Variants in MAOB observed in about 807,000 individuals in gnomAD.
The protein encoded by MAOB is monoamine oxidase B, also known as amine oxidase [flavin-containing] B.
MAOB carries 15 observed loss-of-function variants against 41.9 expected under a neutral mutation model. That is an observed-to-expected ratio of 0.36 (90% CI 0.24 to 0.55). The LOEUF is 0.55. MAOB is among the 20% of genes least tolerant of loss of function. The probability of loss-of-function intolerance (pLI) is 0.86; values close to 1 mark genes in which losing one functional copy is unlikely to be tolerated. For missense variants in MAOB, 345 were observed against 398.7 expected (o/e 0.87, Z 1.15); for synonymous variants, 167 against 144.2 (o/e 1.16, Z -1.13).
intron 3 of MAOB, among the ~76,000 whole-genome samples, chrX:43,808,327 GT>G (rs1204585663): frequency 1.8e-5 from 2 of 111,822 alleles, no homozygotes; most frequent in Non-Finnish European, 3.8e-5. Context: ...AATTATTTAG[GT>G]TTTTTTGTTT....
intron 3 of MAOB, among the ~76,000 whole-genome samples, chrX:43,807,789 A>T (rs2034686823): frequency 8.9e-6 from 1 of 112,372 alleles, no homozygotes; most frequent in South Asian, 3.7e-4. Flanking sequence ...TATGCCTAGG[A>T]CGTGCTGGCA....
At chrX:43,831,165 T>C (rs1602011919) in intron 3 of MAOB, among the ~76,000 whole-genome samples, 1 of 110,996 alleles carries the variant, frequency 9.0e-6, no homozygotes, top group African/African-American at 3.3e-5. Flanking sequence ...TCACTAAGCC[T>C]GGCTGGAAGC....
At chrX:43,837,590 A>G (rs1002925771) in intron 3 of MAOB, among the ~76,000 whole-genome samples, 1 of 113,002 alleles carries the variant, frequency 8.8e-6, no homozygotes, top group African/African-American at 3.2e-5. Flanking sequence ...GTAACTGCTT[A>G]GTTCCCATTT....
Position 43,768,734 on chromosome X carries a change from A to G in MAOB, c.1348-18T>C. 1 of 1,176,394 alleles carries G rather than the reference A, an allele frequency of 8.5e-7. No homozygotes were observed. On this transcript the variant is annotated intron_variant, in intron 13 of 14. Transcript: ENST00000378069. ...TGCAGGATCTGAAATGAAAGAACAC[A>G]CTGGCAAATAGCAAAAGTGACACCA...
At chrX:43,771,547 A>ACC (rs2034184470) in intron 12 of MAOB, among the ~76,000 whole-genome samples, 1 of 111,365 alleles carries the variant, frequency 9.0e-6, no homozygotes, top group Non-Finnish European at 1.9e-5. Flanking sequence ...GCCTAAGGGT[A>ACC]CTCAGGAAGG....
chrX:43,881,573 G>A (rs1309264604), intron 1 of MAOB, among the ~76,000 whole-genome samples: 1 of 112,081 alleles, frequency 8.9e-6, no homozygotes, highest in East Asian at 2.8e-4. Flanking sequence ...TGGCTGAGGG[G>A]GTAGTGTCTG....
At chrX:43,812,346 T>C (rs1333468040) in intron 3 of MAOB, among the ~76,000 whole-genome samples, 1 of 112,488 alleles carries the variant, frequency 8.9e-6, no homozygotes, top group Non-Finnish European at 1.9e-5. Flanking sequence ...TTTCCTTTCT[T>C]TGGGGTGTAT....
chrX:43,850,542 G>A lies in MAOB; in HGVS notation c.47-6778C>T, dbSNP rs73473881. ...ATTTTGGGGAAAATCTAAACAACACGTGACATAAACCAAATATTGCAATGT... is the reference window on the plus strand; with the variant it reads ...ATTTTGGGGAAAATCTAAACAACACATGACATAAACCAAATATTGCAATGT... On this transcript the variant is annotated intron_variant, in intron 1 of 14. Transcript: ENST00000378069. The A allele has an allele frequency of 0.023, 14,348 of 636,672 alleles. 953 individuals are homozygous for A. In the African/African-American group the frequency reaches 0.23, roughly 10 times the overall value. The allele number at this position is 636,672 out of a possible 1,213,427, so 52.5% of individuals were successfully genotyped here.
chrX:43,791,791 A>G (rs967267220), intron 8 of MAOB, among the ~76,000 whole-genome samples: 1 of 112,113 alleles, frequency 8.9e-6, no homozygotes, highest in African/African-American at 3.2e-5. Context: ...GAATTTTAAA[A>G]TCTGATTCCC....
intron 2 of MAOB, among the ~76,000 whole-genome samples, chrX:43,841,266 C>A (rs1422462643): frequency 2.7e-5 from 3 of 111,058 alleles, no homozygotes; most frequent in African/African-American, 9.8e-5. Context: ...AATAGAAAAT[C>A]ATTAATTTTA....
At chrX:43,853,282 A>AG (rs2035265210) in intron 1 of MAOB, among the ~76,000 whole-genome samples, 1 of 108,593 alleles carries the variant, frequency 9.2e-6, no homozygotes, top group Non-Finnish European at 1.9e-5. Context: ...AAAAAAAAAA[A>AG]AAAAAAAGAA....
At chrX:43,842,831 A>G (rs2035154438) in intron 2 of MAOB, among the ~76,000 whole-genome samples, 1 of 111,919 alleles carries the variant, frequency 8.9e-6, no homozygotes, top group African/African-American at 3.2e-5. Flanking sequence ...AGAAAGACTT[A>G]TAAGTGGAAT....
At chrX:43,825,880 A>T (rs1297929756) in intron 3 of MAOB, among the ~76,000 whole-genome samples, 1 of 112,105 alleles carries the variant, frequency 8.9e-6, no homozygotes, top group Non-Finnish European at 1.9e-5. Flanking sequence ...AACATAATAT[A>T]TGAATTTTTG....
chrX:43,843,662 T>A lies in MAOB; in HGVS notation c.141+8A>T. 2.5e-6 allele frequency: 3 copies of A among 1,205,240 alleles called. No individual in the cohort carries two copies. The highest frequency in any genetic ancestry group is 3.4e-6 in the Non-Finnish European group (3 of 892,013). On this transcript the variant is annotated splice_region_variant and intron_variant, in intron 2 of 14. Coordinates refer to ENST00000378069, the MANE Select transcript of MAOB (RefSeq NM_000898.5). ...CCACATTTGTCCTCCGGATTCTTAA[T>A]GCCTTACCCTAAGAGTGTAAGTCCT...
chrX:43,797,061 A>T (rs2034537441), intron 6 of MAOB, 64 bp downstream of exon 6: 2 of 1,087,452 alleles, frequency 1.8e-6, no homozygotes, highest in Admixed American at 4.8e-5. Flanking sequence ...TGATTGAAGG[A>T]TGATGATCTT....
intron 3 of MAOB, among the ~76,000 whole-genome samples, chrX:43,811,644 C>T (rs1031185043): frequency 2.7e-5 from 3 of 111,942 alleles, no homozygotes; most frequent in Admixed American, 9.4e-5. Context: ...TTCTTCTGTT[C>T]GTGTGCCTAT....
intron 3 of MAOB, among the ~76,000 whole-genome samples, chrX:43,815,136 A>T (rs765834235): frequency 4.5e-5 from 5 of 111,557 alleles, no homozygotes; most frequent in Non-Finnish European, 9.4e-5. Context: ...ACTGTATCAC[A>T]TTTCTAACCA....
rs780607279 is a variant in MAOB, at chrX:43,877,018, T to C, written c.46+5236A>G. Among the ~76,000 whole-genome samples, 3 of 112,661 alleles carry C rather than the reference T, an allele frequency of 2.7e-5. No individual in the cohort carries two copies. The South Asian group carries it at 1.1e-3, about 41-fold the overall frequency. ...CAATATCTATTGTGTGCCTGCCAAATGCCAAGCCACATTCCAAGCACTCTA... is the reference window on the plus strand; with the variant it reads ...CAATATCTATTGTGTGCCTGCCAAACGCCAAGCCACATTCCAAGCACTCTA... On this transcript the variant is annotated intron_variant, in intron 1 of 14. Transcript: ENST00000378069.
chrX:43,845,406 C>A (rs184397009), intron 1 of MAOB, among the ~76,000 whole-genome samples: 1 of 112,437 alleles, frequency 8.9e-6, no homozygotes, highest in Admixed American at 9.4e-5. Flanking sequence ...TATAAAATAG[C>A]TAATACTCTT....
Sources: gnomAD v4.1 joint callset for allele counts (sites outside exome capture counted in the v4.1 genomes callset) on GRCh38, gnomAD v4.1.1 for gene constraint, MANE v1.5 for transcripts, NCBI Gene and HGNC (gene_info 2026-07-23, HGNC 2026-07-21) for gene names.